BZW2: variants seen among roughly 807,000 people sequenced by gnomAD.
BZW2 encodes basic leucine zipper and W2 domains 2.
Under a neutral mutation model 53.2 loss-of-function variants are expected in BZW2, and 23 were observed. That is an observed-to-expected ratio of 0.43 (90% CI 0.31 to 0.61). The LOEUF (loss-of-function observed/expected upper bound fraction) is 0.61, where lower values mean the gene tolerates loss of function less well. BZW2 is among the 20% of genes least tolerant of loss of function. The pLI, the probability that BZW2 is intolerant of heterozygous loss-of-function variation, is 0.09. For missense variants in BZW2, 409 were observed against 503.1 expected, an observed-to-expected ratio of 0.81 and a Z score of 1.79; for synonymous variants, 227 against 186.4, an observed-to-expected ratio of 1.22 and a Z score of -1.77.
rs747527030 is a variant in BZW2, at chr7:16,689,784, T to C, written c.542-13T>C. The C allele has an allele frequency of 2.8e-5, 45 of 1,590,714 alleles. No homozygotes were observed. In the South Asian group the frequency reaches 4.5e-4, roughly 16 times the overall value. On this transcript the variant is annotated splice_polypyrimidine_tract_variant and intron_variant, in intron 6 of 11. Coordinates refer to ENST00000258761, the MANE Select transcript of BZW2 (RefSeq NM_014038.3). ...TCGTAAAAGGAATGAAATTCTCTTT[T>C]GTTTTTCAACAGGCATTGCGGCCTC...
chr7:16,681,748 C>T (rs1012909912), intron 4 of BZW2, among the ~76,000 whole-genome samples: 1 of 152,168 alleles, frequency 6.6e-6, no homozygotes, highest in African/African-American at 2.4e-5. Context: ...AGGAGGATCA[C>T]TTGAACCCAG....
At chr7:16,672,788 A>G (rs1476326893) in intron 2 of BZW2, among the ~76,000 whole-genome samples, 1 of 152,170 alleles carries the variant, frequency 6.6e-6, no homozygotes, top group Non-Finnish European at 1.5e-5. Flanking sequence ...TCGACCTTCC[A>G]CAAGGTTTTG....
At chr7:16,649,110 G>C (rs1215973909) in intron 1 of BZW2, among the ~76,000 whole-genome samples, 2 of 151,982 alleles carry the variant, frequency 1.3e-5, no homozygotes, top group Non-Finnish European at 1.5e-5. Flanking sequence ...TGACATCATT[G>C]CTTCTTCATC....
At chr7:16,697,997 C>T (rs1783553216) in intron 9 of BZW2, 51 bp from the exon 10 acceptor site, 4 of 1,609,024 alleles carry the variant, frequency 2.5e-6, no homozygotes, top group Non-Finnish European at 3.4e-6. Context: ...GCAGTGTCGG[C>T]TCTGTACCTC....
chr7:16,694,874 C>A lies in BZW2; in HGVS notation c.692C>A (p.Ala231Asp). The change falls in exon 8 of 12, where the codon GCT becomes GAT. Residue 231 changes from alanine to aspartate, a missense_variant. By Grantham distance (126) the Ala-to-Asp change is moderately radical (BLOSUM62 -2). Coordinates refer to ENST00000258761, the MANE Select transcript of BZW2 (RefSeq NM_014038.3). ...PVNRQSVDHF[A>D]KYFTDAGLKE... ...AACAGACAGAGTGTGGATCATTTTG[C>A]TAAATACTTCACTGACGCAGGTCTT... 6.4e-7 allele frequency: 1 copy of A among 1,560,572 alleles called. No individual in the cohort carries two copies. Among genetic ancestry groups the A allele is most frequent in the Non-Finnish European group, 8.8e-7 (1 of 1,140,166 alleles).
chr7:16,694,522 G>T (rs547786323), intron 7 of BZW2, among the ~76,000 whole-genome samples: 1 of 151,934 alleles, frequency 6.6e-6, no homozygotes, highest in East Asian at 1.9e-4. Flanking sequence ...TCCATGAATG[G>T]ATTAATCCAT....
intron 3 of BZW2, among the ~76,000 whole-genome samples, chr7:16,676,536 T>G (rs1429310938): frequency 6.6e-6 from 1 of 152,016 alleles, no homozygotes; most frequent in African/African-American, 2.4e-5. Context: ...AACATTATAT[T>G]TAATATTTTA....
chr7:16,652,074 G>A (rs551512327), intron 1 of BZW2, among the ~76,000 whole-genome samples: 1 of 152,066 alleles, frequency 6.6e-6, no homozygotes, highest in Non-Finnish European at 1.5e-5. Flanking sequence ...GCTCCAGATG[G>A]GCAGGGATCG....
rs1441207164 is a variant in BZW2, at chr7:16,686,013, C to G, written c.514C>G (p.Leu172Val). Reference sequence around the variant, plus strand: ...CCTGCCCGCCACCATCCTCACCAGTCTCTTCACCGACAGCTTAGTCAAAGA... The same window carrying G: ...CCTGCCCGCCACCATCCTCACCAGTGTCTTCACCGACAGCTTAGTCAAAGA... Reference protein sequence around the residue: ...GTLPATILTSLFTDSLVKEGI... With the variant: ...GTLPATILTSVFTDSLVKEGI... Residue 172 changes from leucine to valine, a missense_variant, in exon 6 of 12, where the codon CTC (leucine) becomes GTC (valine). Leu to Val is a conservative substitution (Grantham distance 32). Transcript: ENST00000258761. 3 of 1,610,906 alleles carry G rather than the reference C, an allele frequency of 1.9e-6. No individual in the cohort carries two copies. Among genetic ancestry groups the G allele is most frequent in the African/African-American group, 2.7e-5 (2 of 74,780 alleles).
chr7:16,682,439 T>C (rs961859547), intron 4 of BZW2, among the ~76,000 whole-genome samples: 3 of 152,216 alleles, frequency 2.0e-5, no homozygotes, highest in Non-Finnish European at 2.9e-5. Context: ...CACATCGTTG[T>C]CTAAGTGGTT....
intron 2 of BZW2, among the ~76,000 whole-genome samples, chr7:16,671,498 T>C (rs528796423): frequency 2.0e-5 from 3 of 152,282 alleles, no homozygotes; most frequent in South Asian, 2.1e-4. Flanking sequence ...CTTTCACCAT[T>C]ATCCACAAGA....
At chr7:16,652,850 A>G (rs1045100972) in intron 1 of BZW2, among the ~76,000 whole-genome samples, 1 of 152,226 alleles carries the variant, frequency 6.6e-6, no homozygotes, top group Admixed American at 6.5e-5. Flanking sequence ...TGTATGATTC[A>G]GAGAGCTTGT....
At chr7:16,705,810 A>T (rs1409321398) in intron 11 of BZW2, among the ~76,000 whole-genome samples, 3 of 150,490 alleles carry the variant, frequency 2.0e-5, no homozygotes, top group African/African-American at 7.3e-5. Context: ...AATATATATA[A>T]AATGTATTCA....
chr7:16,682,844 A>G lies in BZW2; in HGVS notation c.404A>G (p.Lys135Arg). Reference protein sequence around the residue: ...LEKAFEDEMKKLLLFLKAFSE... With the variant: ...LEKAFEDEMKRLLLFLKAFSE... ...AAGGCATTTGAAGATGAAATGAAAA[A>G]GGTAAAAATTCAAATATAATGCCTA... is the stretch of plus-strand genomic sequence containing the variant. Residue 135 changes from lysine to arginine, a missense_variant and splice_region_variant, in exon 5 of 12, where the codon AAG (lysine) becomes AGG (arginine). Around this residue, in one of 3 missense-constraint regions of BZW2, gnomAD observed 316 missense variants for 366.8 expected, o/e 0.86. Transcript: ENST00000258761. 6.4e-7 allele frequency: 1 copy of G among 1,567,728 alleles called. No homozygotes were observed. The highest frequency in any genetic ancestry group is 1.7e-5 in the Admixed American group (1 of 57,858).
At chr7:16,661,288 G>A (rs1782253115) in intron 1 of BZW2, 1 of 152,080 alleles carries the variant, frequency 6.6e-6, no homozygotes, top group African/African-American at 2.4e-5. Context: ...TTTCCAAAAT[G>A]GAGAGAACTA....
intron 5 of BZW2, among the ~76,000 whole-genome samples, 178 bp downstream of exon 5, chr7:16,683,023 C>T (rs569394133): frequency 1.3e-4 from 19 of 151,958 alleles, no homozygotes; most frequent in African/African-American, 3.9e-4. Flanking sequence ...TGCTGAAACC[C>T]TGTCTCTACT....
chr7:16,665,506 G>GTTGTGTGT lies in BZW2; in HGVS notation c.58+6_58+13dup, dbSNP rs1782395894. 1 of 1,608,844 alleles carries GTTGTGTGT rather than the reference G, an allele frequency of 6.2e-7. No homozygotes were observed. The highest frequency in any genetic ancestry group is 1.4e-5 in the African/African-American group (1 of 70,428). ...GGTTCAAAACTCGGAAAAGGGGTAG[G>GTTGTGTGT]TTGTGTGTGTGTGTGTGTGTGTGTT... On this transcript the variant is annotated splice_donor_region_variant and intron_variant, in intron 2 of 11. Transcript: ENST00000258761.
intron 1 of BZW2, among the ~76,000 whole-genome samples, chr7:16,655,550 T>A (rs1272228638): frequency 6.6e-6 from 1 of 152,190 alleles, no homozygotes; most frequent in East Asian, 1.9e-4. Context: ...TTCTTCTAGC[T>A]CTTTTGTAGT....
chr7:16,692,720 C>T (rs968745824), intron 7 of BZW2, among the ~76,000 whole-genome samples: 2 of 152,112 alleles, frequency 1.3e-5, no homozygotes, highest in East Asian at 3.9e-4. Flanking sequence ...GCTAAGATCA[C>T]GCCACTTCAC....
Sources: allele counts gnomAD v4.1 joint callset (sites outside exome capture counted in the v4.1 genomes callset), GRCh38; gene constraint gnomAD v4.1.1; regional missense constraint gnomAD v4.1.1; transcripts MANE v1.5; gene names NCBI Gene and HGNC (gene_info 2026-07-23, HGNC 2026-07-21).